The following R3HDM1 variants were observed in gnomAD, a reference collection of about 807,000 sequenced individuals.
R3HDM1 encodes the protein R3H domain-containing protein 1.
A neutral mutation model predicts 141.1 loss-of-function variants in R3HDM1; 46 were observed. The ratio of observed to expected loss-of-function variants is 0.33; its 90% CI spans 0.26 to 0.42. The LOEUF (loss-of-function observed/expected upper bound fraction) is 0.42. R3HDM1 is among the 10% of genes least tolerant of loss of function. R3HDM1 has a pLI of 1.00. For missense variants in R3HDM1, 1,184 were observed against 1,368.3 expected, an observed-to-expected ratio of 0.87 and a Z score of 2.12; for synonymous variants, 435 against 472.9, an observed-to-expected ratio of 0.92 and a Z score of 1.04.
chr2:135,698,069 A>AAAGT (rs2073539170), intron 21 of R3HDM1, among the ~76,000 whole-genome samples: 1 of 151,576 alleles, frequency 6.6e-6, no homozygotes, highest in Non-Finnish European at 1.5e-5. Context: ...AAAAAAAAAA[A>AAAGT]AAGTAAGTGC....
chr2:135,549,239 T>G (rs865888029), intron 1 of R3HDM1, among the ~76,000 whole-genome samples: 18 of 152,076 alleles, frequency 1.2e-4, no homozygotes, highest in East Asian at 3.9e-4. Flanking sequence ...GGTTTGGTTT[T>G]GTTTTGGTTT....
chr2:135,620,623 T>C (rs1282005877), intron 5 of R3HDM1: 7 of 979,898 alleles, frequency 7.1e-6, no homozygotes, highest in Non-Finnish European at 8.5e-6. Flanking sequence ...TTTTCTTGAC[T>C]ATAGAACAAC....
Position 135,602,695 on chromosome 2 carries a change from A to C in R3HDM1, c.-54A>C. ...TGTGGGACACCACAATCCCAAATCC[A>C]AAGGACGCATCAGGTAATGCTTCCC... On this transcript the variant is annotated 5_prime_UTR_variant, in exon 2 of 27. Coordinates refer to ENST00000683871, the MANE Select transcript of R3HDM1 (RefSeq NM_001378107.1). The C allele has an allele frequency of 6.6e-7, 1 of 1,524,380 alleles. No homozygotes were observed. The highest frequency in any genetic ancestry group is 8.8e-7 in the Non-Finnish European group (1 of 1,138,370). 94.4% of individuals were successfully genotyped at this position (1,524,380 alleles called of 1,614,324 possible). A position where few individuals can be genotyped will look rare whatever the true frequency, so the allele number is the denominator to read the frequency against.
At chr2:135,534,043 CT>C (rs1324027549) in intron 1 of R3HDM1, 1 of 983,876 alleles carries the variant, frequency 1.0e-6, no homozygotes, top group South Asian at 4.7e-5. Context: ...CATTCTGTTA[CT>C]GAAGAGTACC....
intron 7 of R3HDM1, among the ~76,000 whole-genome samples, chr2:135,630,510 T>A (rs2062604106): frequency 6.6e-6 from 1 of 152,076 alleles, no homozygotes; most frequent in African/African-American, 2.4e-5. Context: ...TGATTTTTTT[T>A]AAACAAATAT....
chr2:135,709,352 C>G (rs900672832), intron 21 of R3HDM1, 81 bp from the exon 22 acceptor site: 9 of 1,557,812 alleles, frequency 5.8e-6, no homozygotes, highest in Non-Finnish European at 7.0e-6. Flanking sequence ...GGATTACAGG[C>G]GTGAGCACCG....
intron 5 of R3HDM1, chr2:135,620,538 TAAG>T (rs767049624): frequency 6.4e-5 from 63 of 984,492 alleles, no homozygotes; most frequent in Non-Finnish European, 7.4e-5. Flanking sequence ...TATGATGAAT[TAAG>T]AAGAAGAAAA....
At chr2:135,550,657 A>G (rs1699664381) in intron 1 of R3HDM1, among the ~76,000 whole-genome samples, 1 of 152,224 alleles carries the variant, frequency 6.6e-6, no homozygotes, top group African/African-American at 2.4e-5. Flanking sequence ...ATCATCAAAG[A>G]TATACCTCTG....
At position 135,602,702 on chromosome 2, in the gene R3HDM1, G is replaced by A. The variant is rs748611236; in HGVS notation, c.-47G>A. 13 of 1,512,202 alleles carry A rather than the reference G, an allele frequency of 8.6e-6. No individual in the cohort carries two copies. Among genetic ancestry groups the A allele is most frequent in the African/African-American group, 4.2e-5 (3 of 71,068 alleles). The allele number at this position is 1,512,202 out of a possible 1,614,324, so 93.7% of individuals were successfully genotyped here. ...CACCACAATCCCAAATCCAAAGGAC[G>A]CATCAGGTAATGCTTCCCTGTCATT... On this transcript the variant is annotated 5_prime_UTR_variant, in exon 2 of 27. Coordinates refer to ENST00000683871, the MANE Select transcript of R3HDM1 (RefSeq NM_001378107.1).
intron 1 of R3HDM1, among the ~76,000 whole-genome samples, chr2:135,595,252 C>T (rs1710370407): frequency 6.6e-6 from 1 of 152,222 alleles, no homozygotes; most frequent in South Asian, 2.1e-4. Context: ...GTAGCAAGCA[C>T]TACCTGCACC....
intron 1 of R3HDM1, among the ~76,000 whole-genome samples, chr2:135,548,261 T>C (rs997115788): frequency 4.6e-5 from 7 of 152,226 alleles, no homozygotes; most frequent in Non-Finnish European, 4.4e-5. Context: ...GATAAATTAC[T>C]CAATTTTACA....
intron 20 of R3HDM1, 116 bp downstream of exon 20, chr2:135,675,602 T>C: frequency 9.3e-7 from 1 of 1,076,248 alleles, no homozygotes; most frequent in South Asian, 2.3e-5. Context: ...TTCTGTAATA[T>C]ACAACCTTTT....
chr2:135,669,391 A>T, intron 19 of R3HDM1: 2 of 984,970 alleles, frequency 2.0e-6, no homozygotes, highest in Non-Finnish European at 2.4e-6. Flanking sequence ...TCACCAATAA[A>T]TCTTTAGTTC....
intron 23 of R3HDM1, among the ~76,000 whole-genome samples, chr2:135,712,904 G>C (rs536566148): frequency 3.2e-4 from 48 of 151,436 alleles, no homozygotes; most frequent in South Asian, 6.2e-4. Context: ...CTGGGCAACA[G>C]AGCAAGACTC....
At chr2:135,616,551 C>A in intron 4 of R3HDM1, 117 bp from the exon 5 acceptor site, 3 of 797,868 alleles carry the variant, frequency 3.8e-6, no homozygotes, top group East Asian at 2.7e-5. Context: ...TTGCACATTT[C>A]ATCTACTGTT....
rs2064289760 is a variant in R3HDM1 at position 135,645,430 on chromosome 2, T to C, written c.1526T>C (p.Met509Thr). Residue 509 changes from methionine to threonine, a missense_variant, in exon 16 of 27, where the codon ATG (methionine) becomes ACG (threonine). By Grantham distance (81) the Met-to-Thr change is moderately conservative. Transcript: ENST00000683871. ...AGTCCAGTTGTGTATAATCCTCCTA[T>C]GACTCAACAACCAGTTAGATCCCAA... is the stretch of plus-strand genomic sequence containing the variant. ...DGSPVVYNPP[M>T]TQQPVRSQVP... is the part of the protein sequence containing the mutation. The C allele has an allele frequency of 3.1e-6, 5 of 1,612,816 alleles. No individual in the cohort carries two copies. In the African/African-American group the frequency reaches 4.0e-5, roughly 13 times the overall value.
chr2:135,653,229 G>A (rs919403603), intron 18 of R3HDM1, among the ~76,000 whole-genome samples: 2 of 151,746 alleles, frequency 1.3e-5, no homozygotes, highest in African/African-American at 2.4e-5. Context: ...GGTGGTGCAC[G>A]CCTGTAATCC....
chr2:135,654,471 G>T (rs990551862), intron 18 of R3HDM1, among the ~76,000 whole-genome samples: 2 of 143,356 alleles, frequency 1.4e-5, no homozygotes, highest in Non-Finnish European at 3.0e-5. Context: ...TTGTTGTTGA[G>T]ACAGAGTCTC....
intron 16 of R3HDM1, chr2:135,649,135 G>T (rs1047236924): frequency 6.6e-6 from 1 of 150,878 alleles, no homozygotes; most frequent in African/African-American, 2.4e-5. Context: ...GCGCGACCTC[G>T]GCTCACTGCA....
Sources: gnomAD v4.1 joint callset for allele counts (sites outside exome capture counted in the v4.1 genomes callset) on GRCh38, gnomAD v4.1.1 for gene constraint, MANE v1.5 for transcripts, NCBI Gene and HGNC (gene_info 2026-07-23, HGNC 2026-07-21) for gene names.